Variants in MORC2 observed in about 807,000 individuals in gnomAD.
MORC2 encodes the protein MORC family CW-type zinc finger 2.
In MORC2, 30 loss-of-function variants were observed where a neutral mutation model predicts 136.0. The observed-to-expected ratio is 0.22, with a 90% CI of 0.17 to 0.30. The LOEUF is 0.30. Ranked by LOEUF, MORC2 falls within the 10% of genes least tolerant of loss-of-function variation. The probability of loss-of-function intolerance (pLI) is 1.00; values close to 1 mark genes in which losing one functional copy is unlikely to be tolerated. For synonymous variants in MORC2, 439 were observed against 487.0 expected, an observed-to-expected ratio of 0.90 and a Z score of 1.30; for missense variants, 922 against 1,333.1, an observed-to-expected ratio of 0.69 and a Z score of 4.80.
intron 6 of MORC2, among the ~76,000 whole-genome samples, chr22:30,945,958 A>T (rs1392956190): frequency 6.6e-6 from 1 of 152,212 alleles, no homozygotes; most frequent in Non-Finnish European, 1.5e-5. Flanking sequence ...ACCACCAAAT[A>T]GGAAACACCA....
At position 30,967,948 on chromosome 22, in the gene MORC2, A is replaced by T; in HGVS notation, c.-59T>A. On this transcript the variant is annotated 5_prime_UTR_variant, in exon 1 of 26. Transcript: ENST00000397641. ...AACTGGGAAATATAACCTTATAATG[A>T]TATCGATTTCCCAGGATTCTGTCCA... 1 of 1,370,710 alleles carries T rather than the reference A, an allele frequency of 7.3e-7. No homozygotes were observed. The highest frequency in any genetic ancestry group is 1.0e-6 in the Non-Finnish European group (1 of 983,598). The allele number at this position is 1,370,710 out of a possible 1,614,324, so 84.9% of individuals were successfully genotyped here. A position where few individuals can be genotyped will look rare whatever the true frequency, so the allele number is the denominator to read the frequency against.
chr22:30,928,283 G>A (rs2147230027), intron 24 of MORC2, 76 bp from the exon 25 acceptor site: 1 of 1,447,726 alleles, frequency 6.9e-7, no homozygotes, highest in South Asian at 1.2e-5. Context: ...TGACACGGGT[G>A]TCTCCAGCCC....
At chr22:30,962,651 CCATGCATA>C (rs1156905924) in intron 1 of MORC2, among the ~76,000 whole-genome samples, 1 of 151,446 alleles carries the variant, frequency 6.6e-6, no homozygotes, top group Non-Finnish European at 1.5e-5. Context: ...CAATGCTGTT[CCATGCATA>C]CATACATATT....
chr22:30,934,212 G>A lies in MORC2; in HGVS notation c.2194-21C>T, dbSNP rs1386232078. ...GTAGCCTAGAGCAAGAGGAGCGTGA[G>A]GATGTGAGGGGCCCTGTTCAGCCTC... On this transcript the variant is annotated intron_variant, in intron 19 of 25. Transcript: ENST00000397641. The surrounding 1 kb of genome is among the most constrained non-coding windows in gnomAD (Gnocchi z 4.4). 6.2e-7 allele frequency: 1 copy of A among 1,614,026 alleles called. No individual in the cohort carries two copies. The highest frequency in any genetic ancestry group is 8.5e-7 in the Non-Finnish European group (1 of 1,179,934).
At chr22:30,936,147 A>G (rs1020709511) in intron 17 of MORC2, among the ~76,000 whole-genome samples, 7 of 152,244 alleles carry the variant, frequency 4.6e-5, no homozygotes, top group African/African-American at 1.2e-4. Context: ...ATTAAAAAAT[A>G]TATGTGTGTT....
intron 4 of MORC2, 40 bp downstream of exon 4, chr22:30,950,337 G>GCTGGGCCCCCC: frequency 1.3e-6 from 1 of 761,768 alleles, no homozygotes; most frequent in Non-Finnish European, 2.3e-6. Flanking sequence ...TGGTTACATC[G>GCTGGGCCCCCC]CACCCCCCCA....
rs1452067951 is a variant in MORC2 at position 30,926,713 on chromosome 22, G to A, written c.*90C>T. On this transcript the variant is annotated 3_prime_UTR_variant, in exon 26 of 26. Transcript: ENST00000397641. ...TGTCCCGTGTAAGTCAAACCAAGGT[G>A]CGACCACCAACCCATGAATGAAGTC... The A allele has an allele frequency of 9.9e-7, 1 of 1,009,080 alleles. No homozygotes were observed. Among genetic ancestry groups the A allele is most frequent in the Non-Finnish European group, 1.5e-6 (1 of 670,488 alleles). The allele number at this position is 1,009,080 out of a possible 1,614,324, so 62.5% of individuals were successfully genotyped here.
At chr22:30,927,847 G>A (rs1166906440) in intron 25 of MORC2, among the ~76,000 whole-genome samples, 172 bp downstream of exon 25, 1 of 152,248 alleles carries the variant, frequency 6.6e-6, no homozygotes, top group African/African-American at 2.4e-5. Flanking sequence ...CTGGGCTGAG[G>A]ACCAGGCAGC....
At position 30,932,344 on chromosome 22, in the gene MORC2, T is replaced by C; in HGVS notation, c.2841+15A>G. ...GGAATGAAGAGTGTGGAATCGAAGG[T>C]CAGGCCAGACTCACCAGAGGAAAAG... On this transcript the variant is annotated intron_variant, in intron 24 of 25. Coordinates refer to ENST00000397641, the MANE Select transcript of MORC2 (RefSeq NM_001303256.3). The surrounding 1 kb of genome is among the most constrained non-coding windows in gnomAD (Gnocchi z 4.4). 6.3e-7 allele frequency: 1 copy of C among 1,597,818 alleles called. No homozygotes were observed. Among genetic ancestry groups the C allele is most frequent in the Non-Finnish European group, 8.6e-7 (1 of 1,166,962 alleles).
Position 30,968,447 on chromosome 22 carries a change from GCTT to G in MORC2, c.-561_-559del, listed in dbSNP as rs2147340517. On this transcript the variant is annotated 5_prime_UTR_variant, in exon 1 of 26. Transcript: ENST00000397641. ...GGAGTGTTATATGGCGCAAGTTGCA[GCTT>G]CACCACCTCCCAAGTGAAAAAGCTC... 6.5e-6 allele frequency: 1 copy of G among 152,752 alleles called. No individual in the cohort carries two copies. Among genetic ancestry groups the G allele is most frequent in the East Asian group, 1.9e-4 (1 of 5,184 alleles). The allele number at this position is 152,752 out of a possible 1,614,324, so 9.5% of individuals were successfully genotyped here.
chr22:30,962,041 C>T (rs936538157), intron 1 of MORC2, among the ~76,000 whole-genome samples: 1 of 151,652 alleles, frequency 6.6e-6, no homozygotes, highest in Non-Finnish European at 1.5e-5. Context: ...ACTAAAAATA[C>T]AAAAAAATTA....
intron 1 of MORC2, among the ~76,000 whole-genome samples, chr22:30,961,512 T>C (rs1024680126): frequency 1.1e-4 from 17 of 152,224 alleles, no homozygotes; most frequent in African/African-American, 3.6e-4. Context: ...GATTGTTATA[T>C]AGAAATATAA....
intron 1 of MORC2, chr22:30,967,285 C>T (rs544600993): frequency 1.4e-5 from 14 of 986,214 alleles, no homozygotes; most frequent in Middle Eastern, 5.2e-4. Flanking sequence ...AACAAGTTGC[C>T]GTTTCCTGTT....
At chr22:30,944,451 G>C (rs964143783) in intron 6 of MORC2, among the ~76,000 whole-genome samples, 2 of 151,916 alleles carry the variant, frequency 1.3e-5, no homozygotes, top group African/African-American at 4.8e-5. Flanking sequence ...CTACCCCTTT[G>C]TCCCTCTGGC....
At chr22:30,950,349 C>G in intron 4 of MORC2, 28 bp downstream of exon 4, 2 of 1,130,184 alleles carry the variant, frequency 1.8e-6, no homozygotes, top group African/African-American at 1.6e-5. Flanking sequence ...ACCCCCCCAC[C>G]CCCCAAAACA....
Position 30,932,781 on chromosome 22 carries a change from A to G in MORC2, c.2523-12T>C. On this transcript the variant is annotated splice_polypyrimidine_tract_variant and intron_variant, in intron 22 of 25. Coordinates refer to ENST00000397641, the MANE Select transcript of MORC2 (RefSeq NM_001303256.3). The surrounding 1 kb of genome is among the most constrained non-coding windows in gnomAD (Gnocchi z 4.4). ...TGCCTTTCTCCACCCTGTGGAAGAC[A>G]CACAGCTTATGTCATGTCTGACCCG... 6.2e-7 allele frequency: 1 copy of G among 1,614,022 alleles called. No homozygotes were observed. The highest frequency in any genetic ancestry group is 1.3e-5 in the African/African-American group (1 of 75,034).
chr22:30,928,034 C>A lies in MORC2; in HGVS notation c.3015G>T (p.Leu1005=), dbSNP rs765411579. 1 of 1,613,496 alleles carries A rather than the reference C, an allele frequency of 6.2e-7. No individual in the cohort carries two copies. The highest frequency in any genetic ancestry group is 1.3e-5 in the African/African-American group (1 of 75,004). ...CCGGGCTCACCTCCTGCACCTTTTG[C>A]AGGAGTGCCACGATGTTGGTCCTCA... ...QKLRTNIVAL[L]QKVQEDIDIN... is the part of the protein sequence containing the mutation. Residue 1005 remains leucine, a synonymous_variant, in exon 25 of 26, where the codon CTG becomes CTT. Coordinates refer to ENST00000397641, the MANE Select transcript of MORC2 (RefSeq NM_001303256.3).
chr22:30,953,451 C>T (rs1453897068), intron 3 of MORC2, among the ~76,000 whole-genome samples: 1 of 152,158 alleles, frequency 6.6e-6, no homozygotes, highest in Non-Finnish European at 1.5e-5. Flanking sequence ...CATCTAACTC[C>T]CACTGGGAAG....
At chr22:30,936,681 G>T in intron 16 of MORC2, 38 bp from the exon 17 acceptor site, 1 of 1,604,172 alleles carries the variant, frequency 6.2e-7, no homozygotes, top group South Asian at 1.1e-5. Context: ...GTGGCAAACA[G>T]AGCGCCAAGC....
Sources: allele counts gnomAD v4.1 joint callset (sites outside exome capture counted in the v4.1 genomes callset), GRCh38; gene constraint gnomAD v4.1.1; non-coding constraint Gnocchi (gnomAD v3.1); transcripts MANE v1.5; gene names NCBI Gene and HGNC (gene_info 2026-07-23, HGNC 2026-07-21).